The following THSD7A variants were observed in gnomAD, a reference collection of about 807,000 sequenced individuals.
THSD7A encodes thrombospondin type 1 domain containing 7A.
Under a neutral mutation model 231.3 loss-of-function variants are expected in THSD7A, and 96 were observed. That is an observed-to-expected ratio of 0.41 (90% CI 0.35 to 0.49). The LOEUF (loss-of-function observed/expected upper bound fraction) is 0.49, where lower values mean the gene tolerates loss of function less well. Among genes scored for constraint, THSD7A ranks in the 20% least tolerant of loss-of-function variants. The pLI, the probability that THSD7A is intolerant of heterozygous loss-of-function variation, is 0.05. For missense variants in THSD7A, 2,290 were observed against 2,070.2 expected (o/e 1.11, Z -2.06); for synonymous variants, 940 against 743.3 (o/e 1.26, Z -4.30).
At chr7:11,811,480 C>T (rs953919463) in intron 1 of THSD7A, among the ~76,000 whole-genome samples, 7 of 152,108 alleles carry the variant, frequency 4.6e-5, no homozygotes, top group African/African-American at 1.7e-4. Context: ...AATCCTATTG[C>T]ACTAGTGGTA....
At chr7:11,520,263 T>G (rs984799383) in intron 6 of THSD7A, 2 of 152,202 alleles carry the variant, frequency 1.3e-5, no homozygotes, top group Admixed American at 1.3e-4. Context: ...CTTAATCTCA[T>G]GATGCTAGTT....
At chr7:11,702,815 C>T (rs960835079) in intron 1 of THSD7A, among the ~76,000 whole-genome samples, 14 of 151,132 alleles carry the variant, frequency 9.3e-5, no homozygotes, top group Non-Finnish European at 2.1e-4. Context: ...CACTACCTGA[C>T]TCCTGCTAAG....
chr7:11,677,154 A>G (rs62433360), intron 1 of THSD7A, among the ~76,000 whole-genome samples: 5,108 of 152,220 alleles, frequency 0.034, 112 homozygotes, highest in Middle Eastern at 0.082. Flanking sequence ...AGAATTTTAT[A>G]TCCAGCCAAA....
intron 6 of THSD7A, among the ~76,000 whole-genome samples, chr7:11,532,180 G>A (rs1381695040): frequency 6.6e-6 from 1 of 151,836 alleles, no homozygotes; most frequent in Admixed American, 6.6e-5. Context: ...ACATCAGTGG[G>A]GCCAACTTAG....
chr7:11,699,229 T>TA (rs937018882), intron 1 of THSD7A, among the ~76,000 whole-genome samples: 4 of 151,230 alleles, frequency 2.6e-5, no homozygotes, highest in South Asian at 2.1e-4. Context: ...TCTTCATTTT[T>TA]AAAAAAACTA....
At chr7:11,726,180 G>A (rs1781538295) in intron 1 of THSD7A, among the ~76,000 whole-genome samples, 1 of 151,994 alleles carries the variant, frequency 6.6e-6, no homozygotes, top group African/African-American at 2.4e-5. Context: ...GCAAAGTTAT[G>A]CAGCACTGAA....
At chr7:11,428,654 A>G (rs1296987196) in intron 14 of THSD7A, among the ~76,000 whole-genome samples, 1 of 152,192 alleles carries the variant, frequency 6.6e-6, no homozygotes, top group Non-Finnish European at 1.5e-5. Context: ...GTTAGATACA[A>G]TCTTATGACA....
intron 6 of THSD7A, among the ~76,000 whole-genome samples, chr7:11,518,595 A>G (rs568201358): frequency 6.2e-4 from 57 of 92,496 alleles, no homozygotes; most frequent in African/African-American, 2.1e-3. Context: ...GAAATAAAAT[A>G]GAAACACACA....
intron 1 of THSD7A, among the ~76,000 whole-genome samples, chr7:11,689,828 AG>A (rs1780177233): frequency 6.6e-6 from 1 of 150,708 alleles, no homozygotes; most frequent in African/African-American, 2.4e-5. Context: ...AAAAAAAAAA[AG>A]GCAAGTTTGG....
chr7:11,416,466 A>G (rs1783963701), intron 17 of THSD7A, among the ~76,000 whole-genome samples: 1 of 152,252 alleles, frequency 6.6e-6, no homozygotes, highest in African/African-American at 2.4e-5. Context: ...ATTAGAACAG[A>G]AAATCAATTG....
rs1219135740 is a variant in THSD7A at position 11,769,122 on chromosome 7, AATATATAT to A, written c.190+62627_190+62634del. ...ACAGGCACCTGCCATAATTCCTGGC[AATATATAT>A]ATATATATATATATATATATATATT... On this transcript the variant is annotated intron_variant, in intron 1 of 27. Coordinates refer to ENST00000423059, the MANE Select transcript of THSD7A (RefSeq NM_015204.3). Among the ~76,000 whole-genome samples the A allele has an allele frequency of 3.1e-4, 11 of 35,892 alleles. 1 individual carries two copies. The highest frequency in any genetic ancestry group is 1.1e-3 in the African/African-American group (11 of 9,794). 23.5% of individuals were successfully genotyped at this position (35,892 alleles called of 152,430 possible).
At chr7:11,774,645 G>A (rs76802442) in intron 1 of THSD7A, among the ~76,000 whole-genome samples, 4,562 of 152,160 alleles carry the variant, frequency 0.03, 84 homozygotes, top group East Asian at 0.11. Context: ...TATATTATGC[G>A]TGTGCAGTTT....
chr7:11,437,711 G>A (rs1784678971), intron 13 of THSD7A, among the ~76,000 whole-genome samples: 2 of 152,000 alleles, frequency 1.3e-5, no homozygotes, highest in Admixed American at 6.6e-5. Flanking sequence ...AATTAAACAT[G>A]TTCTTCCTCA....
At chr7:11,742,666 T>C (rs558058254) in intron 1 of THSD7A, among the ~76,000 whole-genome samples, 1 of 152,036 alleles carries the variant, frequency 6.6e-6, no homozygotes, top group East Asian at 2.0e-4. Flanking sequence ...TCACTTGCAC[T>C]TGCAGTGATT....
chr7:11,652,759 T>C (rs970023734), intron 1 of THSD7A, among the ~76,000 whole-genome samples: 6 of 152,094 alleles, frequency 3.9e-5, no homozygotes, highest in Non-Finnish European at 5.9e-5. Flanking sequence ...TCCATGTGTC[T>C]AAAGAAACTG....
chr7:11,747,687 A>G (rs994266814), intron 1 of THSD7A, among the ~76,000 whole-genome samples: 1 of 151,934 alleles, frequency 6.6e-6, no homozygotes, highest in Non-Finnish European at 1.5e-5. Flanking sequence ...CAATAAATTG[A>G]CAGTGCATAT....
intron 13 of THSD7A, among the ~76,000 whole-genome samples, chr7:11,437,142 G>T (rs545087027): frequency 2.6e-5 from 4 of 152,198 alleles, no homozygotes; most frequent in Admixed American, 6.5e-5. Context: ...TGGCCTGAGG[G>T]GCTCTGGGAA....
intron 1 of THSD7A, among the ~76,000 whole-genome samples, chr7:11,777,671 T>C (rs1783459895): frequency 1.3e-5 from 2 of 152,170 alleles, no homozygotes; most frequent in South Asian, 4.1e-4. Context: ...GAATTCCCTA[T>C]GACTTATAGC....
intron 1 of THSD7A, among the ~76,000 whole-genome samples, chr7:11,771,195 C>G (rs947117058): frequency 1.3e-5 from 2 of 150,984 alleles, no homozygotes; most frequent in Non-Finnish European, 3.0e-5. Context: ...ATAACAATTT[C>G]TCCTCAATTA....
Sources: allele counts gnomAD v4.1 joint callset (sites outside exome capture counted in the v4.1 genomes callset), GRCh38; gene constraint gnomAD v4.1.1; transcripts MANE v1.5; gene names NCBI Gene and HGNC (gene_info 2026-07-23, HGNC 2026-07-21).